The following ANKRD17 variants were observed in gnomAD, a reference collection of about 807,000 sequenced individuals.
ANKRD17 encodes the protein ankyrin repeat domain 17.
Under a neutral mutation model 229.7 loss-of-function variants are expected in ANKRD17, and 19 were observed. The ratio of observed to expected loss-of-function variants is 0.08; its 90% CI spans 0.06 to 0.12. The LOEUF (loss-of-function observed/expected upper bound fraction) is 0.12, where lower values mean the gene tolerates loss of function less well. ANKRD17 is among the 10% of genes least tolerant of loss of function. ANKRD17 has a pLI of 1.00. For synonymous variants in ANKRD17, 1,112 were observed against 1,146.1 expected (o/e 0.97, Z 0.60); for missense variants, 2,176 against 3,176.8 (o/e 0.68, Z 7.57).
intron 1 of ANKRD17, among the ~76,000 whole-genome samples, chr4:73,206,725 T>A (rs974179174): frequency 2.6e-5 from 4 of 152,074 alleles, no homozygotes; most frequent in Non-Finnish European, 5.9e-5. Context: ...GGACAGAAAT[T>A]TTCAGTTAAG....
chr4:73,175,529 A>G (rs1445174236), intron 2 of ANKRD17, among the ~76,000 whole-genome samples: 3 of 152,208 alleles, frequency 2.0e-5, no homozygotes, highest in African/African-American at 7.2e-5. Flanking sequence ...AAGACTAGAA[A>G]GAATCACATT....
In ANKRD17 at chr4:73,091,158, T is replaced by C. The variant is rs1228408077; in HGVS notation, c.6470A>G (p.Tyr2157Cys). Residue 2157 changes from tyrosine (Y) to cysteine (C), a missense_variant, in exon 29 of 34, where the codon TAC becomes TGC. Around this residue, in one of 18 missense-constraint regions of ANKRD17, gnomAD observed 424 missense variants for 454.0 expected, o/e 0.93. Transcript: ENST00000358602. ...VAVPSTAPVT[Y>C]PMPQTPMGCP... is the part of the protein sequence containing the mutation. ...TCCCATTGGTGTCTGAGGCATAGGGTAAGTCACTGGGGCAGTAGAAGGCAC... is the reference window on the plus strand; with the variant it reads ...TCCCATTGGTGTCTGAGGCATAGGGCAAGTCACTGGGGCAGTAGAAGGCAC... 2 of 1,614,048 alleles carry C rather than the reference T, an allele frequency of 1.2e-6. No individual in the cohort carries two copies. Among genetic ancestry groups the C allele is most frequent in the Non-Finnish European group, 1.7e-6 (2 of 1,180,012 alleles).
intron 1 of ANKRD17, among the ~76,000 whole-genome samples, chr4:73,224,215 G>T (rs1329677364): frequency 6.6e-6 from 1 of 152,174 alleles, no homozygotes; most frequent in Non-Finnish European, 1.5e-5. Context: ...TGGCACCCTA[G>T]CCTGGGCAAC....
chr4:73,151,658 C>T, intron 6 of ANKRD17, 134 bp from the exon 7 acceptor site: 2 of 590,022 alleles, frequency 3.4e-6, no homozygotes, highest in South Asian at 6.3e-5. Context: ...CAACTAGAAG[C>T]CACCCTCAAT....
intron 1 of ANKRD17, among the ~76,000 whole-genome samples, chr4:73,206,445 A>AGG (rs1266133235): frequency 6.6e-6 from 1 of 151,956 alleles, no homozygotes; most frequent in Non-Finnish European, 1.5e-5. Context: ...AGAGAGAGAG[A>AGG]GAGAGAGAGA....
At chr4:73,242,419 G>A (rs1261374013) in intron 1 of ANKRD17, among the ~76,000 whole-genome samples, 1 of 152,086 alleles carries the variant, frequency 6.6e-6, no homozygotes, top group Non-Finnish European at 1.5e-5. Context: ...CAAGAAATGT[G>A]TAAAATCTAT....
At chr4:73,187,245 T>C (rs780704979) in intron 1 of ANKRD17, among the ~76,000 whole-genome samples, 161 of 152,278 alleles carry the variant, frequency 1.1e-3, no homozygotes, top group Non-Finnish European at 1.1e-3. Flanking sequence ...GCCACAAACA[T>C]TTTCTGAATT....
At chr4:73,119,870 G>GT (rs1041771339) in intron 21 of ANKRD17, among the ~76,000 whole-genome samples, 2 of 152,172 alleles carry the variant, frequency 1.3e-5, no homozygotes, top group African/African-American at 2.4e-5. Context: ...TGTGGGGGAT[G>GT]TAAGTATGTC....
At chr4:73,081,664 T>G (rs965636071) in intron 30 of ANKRD17, among the ~76,000 whole-genome samples, 1 of 152,194 alleles carries the variant, frequency 6.6e-6, no homozygotes, top group African/African-American at 2.4e-5. Context: ...TACAAAATTT[T>G]GGGAACCTTT....
Position 73,076,153 on chromosome 4 carries a change from G to A in ANKRD17, c.*78C>T. On this transcript the variant is annotated 3_prime_UTR_variant, in exon 34 of 34. Transcript: ENST00000358602. Reference sequence around the variant, plus strand: ...CAAGCACATCAGTAGAATGATTTGGGAGCATAATTTTTTTTTTCGGCCACT... The same window carrying A: ...CAAGCACATCAGTAGAATGATTTGGAAGCATAATTTTTTTTTTCGGCCACT... 1.5e-6 allele frequency: 2 copies of A among 1,305,906 alleles called. No individual in the cohort carries two copies. The highest frequency in any genetic ancestry group is 2.7e-5 in the South Asian group (2 of 74,282). The allele number at this position is 1,305,906 out of a possible 1,614,324, so 80.9% of individuals were successfully genotyped here.
intron 1 of ANKRD17, among the ~76,000 whole-genome samples, chr4:73,255,817 G>A (rs1442746324): frequency 6.6e-6 from 1 of 151,758 alleles, no homozygotes; most frequent in Non-Finnish European, 1.5e-5. Flanking sequence ...TCCACCTCCC[G>A]GGTTCAAGCA....
At chr4:73,139,509 G>A (rs757362463) in intron 15 of ANKRD17, 22 bp downstream of exon 15, 2 of 1,588,928 alleles carry the variant, frequency 1.3e-6, no homozygotes, top group East Asian at 2.2e-5. Flanking sequence ...TTTGATACCT[G>A]CTCATAACAA....
intron 2 of ANKRD17, among the ~76,000 whole-genome samples, chr4:73,168,227 G>A (rs1300074359): frequency 1.3e-5 from 2 of 152,078 alleles, no homozygotes; most frequent in African/African-American, 4.8e-5. Context: ...TATTAGGTCA[G>A]TTTTATGCTA....
chr4:73,159,798 A>C (rs1280968195), intron 3 of ANKRD17, among the ~76,000 whole-genome samples: 3 of 152,204 alleles, frequency 2.0e-5, no homozygotes, highest in African/African-American at 7.2e-5. Context: ...TTACTATGGA[A>C]TAGAAACCGA....
rs1393861793 is a variant in ANKRD17, at chr4:73,097,171, G to T, written c.5123C>A (p.Ala1708Glu). Residue 1708 changes from alanine to glutamate, a missense_variant, in exon 27 of 34, where the codon GCA becomes GAA. Transcript: ENST00000358602. Reference sequence around the variant, plus strand: ...CCTCTTTTGCCCACGCTTAGGACTTGCTACTGTTAACTTCCCATTTGGAGA... The same window carrying T: ...CCTCTTTTGCCCACGCTTAGGACTTTCTACTGTTAACTTCCCATTTGGAGA... ...LSSPNGKLTV[A>E]SPKRGQKREE... The T allele has an allele frequency of 1.2e-6, 2 of 1,612,306 alleles. No homozygotes were observed. The highest frequency in any genetic ancestry group is 2.2e-5 in the South Asian group (2 of 90,644).
intron 1 of ANKRD17, among the ~76,000 whole-genome samples, chr4:73,184,395 G>T (rs1241647125): frequency 6.6e-6 from 1 of 151,714 alleles, no homozygotes; most frequent in East Asian, 1.9e-4. Context: ...CAGGTGTTGT[G>T]GCAGGTGCCT....
intron 16 of ANKRD17, among the ~76,000 whole-genome samples, chr4:73,127,715 A>G (rs1445454723): frequency 1.3e-5 from 2 of 152,250 alleles, no homozygotes; most frequent in African/African-American, 4.8e-5. Flanking sequence ...CATAGATTCA[A>G]AAACTGTTAC....
chr4:73,208,188 CAAAAAAAAAAA>C (rs36126530), intron 1 of ANKRD17, among the ~76,000 whole-genome samples: 1 of 67,962 alleles, frequency 1.5e-5, no homozygotes, highest in Non-Finnish European at 2.7e-5. Flanking sequence ...GACTCCGTCT[CAAAAAAAAAAA>C]AAAAAAAAAA....
intron 3 of ANKRD17, among the ~76,000 whole-genome samples, chr4:73,157,177 T>A (rs1230285958): frequency 6.6e-6 from 1 of 152,160 alleles, no homozygotes; most frequent in African/African-American, 2.4e-5. Context: ...TTAAAAAGTA[T>A]AAAATGTGCA....
Sources: gnomAD v4.1 joint callset for allele counts (sites outside exome capture counted in the v4.1 genomes callset) on GRCh38, gnomAD v4.1.1 for gene constraint, gnomAD v4.1.1 regional missense constraint, MANE v1.5 for transcripts, NCBI Gene and HGNC (gene_info 2026-07-23, HGNC 2026-07-21) for gene names.